CAMTA1: variants seen among roughly 807,000 people sequenced by gnomAD.
The protein encoded by CAMTA1 is calmodulin-binding transcription activator 1.
CAMTA1 carries 27 observed loss-of-function variants against 170.9 expected under a neutral mutation model. The ratio of observed to expected loss-of-function variants is 0.16; its 90% CI spans 0.12 to 0.22. CAMTA1 has a LOEUF of 0.22. Among genes scored for constraint, CAMTA1 ranks in the 10% least tolerant of loss-of-function variants. The pLI, the probability that CAMTA1 is intolerant of heterozygous loss-of-function variation, is 1.00. For missense variants in CAMTA1, 1,619 were observed against 2,217.2 expected, an observed-to-expected ratio of 0.73 and a Z score of 5.42; for synonymous variants, 833 against 891.5, an observed-to-expected ratio of 0.93 and a Z score of 1.17.
At chr1:7,751,101 A>G in intron 19 of CAMTA1, 98 bp from the exon 20 acceptor site, 2 of 977,456 alleles carry the variant, frequency 2.0e-6, no homozygotes, top group Non-Finnish European at 3.2e-6. Context: ...TAGAGGGGAA[A>G]AGCATTTTCT....
chr1:7,757,753 A>G lies in CAMTA1; in HGVS notation c.4989+2085A>G, dbSNP rs558392495. Among the ~76,000 whole-genome samples, 6 of 152,314 alleles carry G rather than the reference A, an allele frequency of 3.9e-5. No homozygotes were observed. The South Asian group carries it at 8.3e-4, about 21-fold the overall frequency. On this transcript the variant is annotated intron_variant, in intron 22 of 22. Transcript: ENST00000303635. ...TCTGTCTCAAAAGAAAAAAAAGAGAAAAGCCTAAAAAGCCTTAAAATTTTA... is the reference window on the plus strand; with the variant it reads ...TCTGTCTCAAAAGAAAAAAAAGAGAGAAGCCTAAAAAGCCTTAAAATTTTA...
chr1:7,425,709 C>T (rs1046257218), intron 5 of CAMTA1, among the ~76,000 whole-genome samples: 8 of 151,766 alleles, frequency 5.3e-5, no homozygotes, highest in Admixed American at 3.3e-4. Context: ...ACCGAGAGCC[C>T]TTCTGGGACT....
In CAMTA1 at chr1:7,644,226, A is replaced by G. The variant is rs1576562992; in HGVS notation, c.664+3673A>G. On this transcript the variant is annotated intron_variant, in intron 7 of 22. Coordinates refer to ENST00000303635, the MANE Select transcript of CAMTA1 (RefSeq NM_015215.4). ...TCACCAGGCTGATTCAGAGAATCCC[A>G]TCCTGGTCCTTGCAGCTGTGCCCTT... Among the ~76,000 whole-genome samples, 3 of 152,154 alleles carry G rather than the reference A, an allele frequency of 2.0e-5. No individual in the cohort carries two copies. The East Asian group carries it at 5.8e-4, about 29-fold the overall frequency.
intron 4 of CAMTA1, among the ~76,000 whole-genome samples, chr1:7,188,419 C>CT (rs1050311513): frequency 1.3e-5 from 2 of 152,192 alleles, no homozygotes; most frequent in Admixed American, 1.3e-4. Context: ...TTCTGCAGAA[C>CT]TTTTTTGACT....
chr1:6,858,114 C>G (rs149705187), intron 3 of CAMTA1, among the ~76,000 whole-genome samples: 2 of 152,212 alleles, frequency 1.3e-5, no homozygotes, highest in Middle Eastern at 3.4e-3. Context: ...GAAAGATAGG[C>G]CAGTCATAAA....
intron 6 of CAMTA1, among the ~76,000 whole-genome samples, chr1:7,500,203 G>A (rs1441128891): frequency 6.9e-6 from 1 of 145,854 alleles, no homozygotes; most frequent in Non-Finnish European, 1.5e-5. Flanking sequence ...AGCCTGGTGT[G>A]CGTGTGTATG....
At chr1:7,382,140 A>G (rs2087409379) in intron 5 of CAMTA1, among the ~76,000 whole-genome samples, 1 of 152,230 alleles carries the variant, frequency 6.6e-6, no homozygotes, top group Admixed American at 6.5e-5. Flanking sequence ...CCAGAATGCA[A>G]TTGCAGTCAC....
chr1:6,994,159 C>T (rs979942340), intron 3 of CAMTA1, among the ~76,000 whole-genome samples: 3 of 152,072 alleles, frequency 2.0e-5, no homozygotes, highest in African/African-American at 7.2e-5. Flanking sequence ...TCTATATATG[C>T]TATAAGCCCC....
At chr1:7,367,398 A>G (rs761201327) in intron 5 of CAMTA1, among the ~76,000 whole-genome samples, 1 of 152,236 alleles carries the variant, frequency 6.6e-6, no homozygotes, top group Non-Finnish European at 1.5e-5. Context: ...CAGATTTATT[A>G]TGTTTACTTG....
chr1:7,221,766 A>G (rs1402663457), intron 4 of CAMTA1, among the ~76,000 whole-genome samples: 1 of 152,088 alleles, frequency 6.6e-6, no homozygotes, highest in Non-Finnish European at 1.5e-5. Context: ...GTTTGGGGAT[A>G]ATGATTCCTG....
rs1393149532 is a variant in CAMTA1, at chr1:7,456,389, G to A, written c.439-11441G>A. Among the ~76,000 whole-genome samples, 1 of 152,128 alleles carries A rather than the reference G, an allele frequency of 6.6e-6. No homozygotes were observed. The highest frequency in any genetic ancestry group is 1.5e-5 in the Non-Finnish European group (1 of 68,026). ...CACTTGGCAGGGCTCCAAGAAATAG[G>A]TCTCAGCGGTACATTTTGATGAAAG... On this transcript the variant is annotated intron_variant, in intron 5 of 22. Transcript: ENST00000303635. This position sits in a 1 kb window ranked among gnomAD's most constrained non-coding sequence, Gnocchi z 4.9.
chr1:7,222,289 C>G (rs779383122), intron 4 of CAMTA1, among the ~76,000 whole-genome samples: 1 of 152,132 alleles, frequency 6.6e-6, no homozygotes, highest in Non-Finnish European at 1.5e-5. Context: ...AGACATCGCC[C>G]GGGCTGGTTC....
At chr1:7,156,677 T>C (rs1646905590) in intron 4 of CAMTA1, among the ~76,000 whole-genome samples, 1 of 152,244 alleles carries the variant, frequency 6.6e-6, no homozygotes, top group East Asian at 1.9e-4. Context: ...CCAAGACGAT[T>C]TCAGAAGTAT....
At chr1:7,520,839 A>T (rs1273735572) in intron 6 of CAMTA1, among the ~76,000 whole-genome samples, 2 of 152,188 alleles carry the variant, frequency 1.3e-5, no homozygotes, top group Non-Finnish European at 2.9e-5. Flanking sequence ...TTCCCCAGGT[A>T]TCCATAGAAC....
intron 4 of CAMTA1, among the ~76,000 whole-genome samples, chr1:7,171,303 C>T (rs1196671488): frequency 4.6e-5 from 7 of 152,186 alleles, no homozygotes; most frequent in Non-Finnish European, 8.8e-5. Flanking sequence ...GACATGGCTG[C>T]ACACATTTAG....
At chr1:7,259,295 C>T (rs1364194984) in intron 5 of CAMTA1, among the ~76,000 whole-genome samples, 2 of 152,194 alleles carry the variant, frequency 1.3e-5, no homozygotes, top group Admixed American at 6.5e-5. Context: ...CCTTGCACTT[C>T]GTAATTCAAC....
intron 6 of CAMTA1, among the ~76,000 whole-genome samples, chr1:7,488,601 T>C (rs61772234): frequency 0.078 from 11,810 of 152,210 alleles, 982 homozygotes; most frequent in East Asian, 0.43. Context: ...CATACATGCA[T>C]GATACATGTA....
chr1:6,844,786 A>C (rs992101613), intron 3 of CAMTA1, among the ~76,000 whole-genome samples: 4 of 152,038 alleles, frequency 2.6e-5, no homozygotes, highest in African/African-American at 9.7e-5. Flanking sequence ...ATACAGCTAC[A>C]TGCAGCACCA....
chr1:7,561,166 G>T lies in CAMTA1; in HGVS notation c.511-79234G>T, dbSNP rs80243207. On this transcript the variant is annotated intron_variant, in intron 6 of 22. Transcript: ENST00000303635. The surrounding 1 kb of genome is among the most constrained non-coding windows in gnomAD (Gnocchi z 5.3). ...GCTGGCCGAGGGGGGCCGGTGGGTG[G>T]TGAATGAAGGGCTCCCAGCAAACCA... 2.4e-4 allele frequency among the ~76,000 whole-genome samples: 37 copies of T among 152,204 alleles called. 1 individual carries two copies. Among genetic ancestry groups the T allele is most frequent in the Middle Eastern group, 6.8e-3 (2 of 294 alleles).
Sources: allele counts gnomAD v4.1 joint callset (sites outside exome capture counted in the v4.1 genomes callset), GRCh38; gene constraint gnomAD v4.1.1; non-coding constraint Gnocchi (gnomAD v3.1); transcripts MANE v1.5; gene names NCBI Gene and HGNC (gene_info 2026-07-23, HGNC 2026-07-21).